SLC3A1: variants seen among roughly 807,000 people sequenced by gnomAD.
SLC3A1 encodes the protein solute carrier family 3 member 1, also known as amino acid transporter heavy chain SLC3A1.
Under a neutral mutation model 60.3 loss-of-function variants are expected in SLC3A1, and 78 were observed. That is an observed-to-expected ratio of 1.29 (90% CI 1.08 to 1.56). The LOEUF is 1.56. Among genes scored for constraint, SLC3A1 ranks in the 40% most tolerant of loss-of-function variants. SLC3A1 has a pLI of 0.00. For missense variants in SLC3A1, 1,172 were observed against 858.9 expected (o/e 1.36, Z -4.56); for synonymous variants, 392 against 307.9 (o/e 1.27, Z -2.86).
Position 44,290,570 on chromosome 2 carries a change from T to A in SLC3A1, c.891+4413T>A, listed in dbSNP as rs933981885. ...CCAATTCATGAACATGAGATGTCTT[T>A]CCATTTATTTACGTGTTCTTTCATT... On this transcript the variant is annotated intron_variant, in intron 4 of 9. Transcript: ENST00000260649. Among the ~76,000 whole-genome samples the A allele has an allele frequency of 3.9e-5, 6 of 152,336 alleles. No homozygotes were observed. The South Asian group carries it at 1.2e-3, about 32-fold the overall frequency.
At chr2:44,314,313 G>C (rs1273154312) in intron 9 of SLC3A1, 4 of 507,494 alleles carry the variant, frequency 7.9e-6, no homozygotes, top group Non-Finnish European at 1.4e-5. Flanking sequence ...TGGATAGGCA[G>C]CCATGCAGGC....
chr2:44,321,790 C>T (rs753294321), downstream of SLC3A1: 133 of 1,613,648 alleles, frequency 8.2e-5, 1 homozygote, highest in East Asian at 1.5e-3. Context: ...GTATCTAGTT[C>T]GGGAATCTGT....
Position 44,304,343 on chromosome 2 carries a change from G to A in SLC3A1, c.1332+5G>A. On this transcript the variant is annotated splice_donor_5th_base_variant and intron_variant, in intron 7 of 9. Coordinates refer to ENST00000260649, the MANE Select transcript of SLC3A1 (RefSeq NM_000341.4). ...GGAAAATGGCCTAACTGGATGGTAA[G>A]TCCTCATGACAGCAGAGTACATAAT... The A allele has an allele frequency of 6.2e-7, 1 of 1,609,518 alleles. No individual in the cohort carries two copies. The highest frequency in any genetic ancestry group is 8.5e-7 in the Non-Finnish European group (1 of 1,175,776).
chr2:44,284,961 C>T (rs568903304), intron 3 of SLC3A1: 1 of 152,098 alleles, frequency 6.6e-6, no homozygotes, highest in Non-Finnish European at 1.5e-5. Context: ...TTATCTAATT[C>T]CTAATGATGT....
chr2:44,301,781 C>A (rs987730999), intron 6 of SLC3A1, among the ~76,000 whole-genome samples: 21 of 150,872 alleles, frequency 1.4e-4, no homozygotes, highest in African/African-American at 5.1e-4. Flanking sequence ...AAACCAGCTC[C>A]ACCTGGGTGC....
intron 4 of SLC3A1, among the ~76,000 whole-genome samples, chr2:44,287,031 T>G (rs1671633046): frequency 6.6e-6 from 1 of 152,154 alleles, no homozygotes; most frequent in Admixed American, 6.6e-5. Flanking sequence ...AGATAACACA[T>G]GCACGACACT....
Position 44,275,676 on chromosome 2 carries a change from C to G in SLC3A1, c.141C>G (p.Ser47Arg), listed in dbSNP as rs760804638. The change falls in exon 1 of 10, where the codon AGC (serine) becomes AGG (arginine). Residue 47 changes from serine (S) to arginine (R), a missense_variant. By Grantham distance (110) the Ser-to-Arg change is moderately radical. Transcript: ENST00000260649. ...GCTCAACAGACAACCTGAAGCACAG[C>G]ACCAGGGGCATCCTTGGCTCCCAGG... ...PGSSTDNLKHSTRGILGSQEP... is the reference protein window; with the variant it reads ...PGSSTDNLKHRTRGILGSQEP... 1 of 1,614,206 alleles carries G rather than the reference C, an allele frequency of 6.2e-7. No individual in the cohort carries two copies. Among genetic ancestry groups the G allele is most frequent in the Non-Finnish European group, 8.5e-7 (1 of 1,180,020 alleles).
chr2:44,320,164 C>G (rs1273360780), intron 9 of SLC3A1, 35 bp from the exon 10 acceptor site: 2 of 1,519,460 alleles, frequency 1.3e-6, no homozygotes, highest in Non-Finnish European at 1.8e-6. Flanking sequence ...TTCTTAGAAT[C>G]AAACACTTAC....
Position 44,286,137 on chromosome 2 carries a change from G to A in SLC3A1, c.871G>A (p.Asp291Asn). 1 of 1,613,968 alleles carries A rather than the reference G, an allele frequency of 6.2e-7. No individual in the cohort carries two copies. ...EQPDLNFRNP[D>N]VQEEIKEILR... The stretch of plus-strand genomic sequence containing the variant: ...ACCTGATTTAAATTTCCGCAATCCT[G>A]ATGTTCAAGAAGAAATAAAAGTGAG... Residue 291 changes from aspartate (D) to asparagine (N), a missense_variant, in exon 4 of 10, where the codon GAT (aspartate) becomes AAT (asparagine). By Grantham distance (23) the Asp-to-Asn change is conservative (BLOSUM62 1). Transcript: ENST00000260649.
At chr2:44,306,717 C>A (rs1170245654) in intron 7 of SLC3A1, among the ~76,000 whole-genome samples, 1 of 151,714 alleles carries the variant, frequency 6.6e-6, no homozygotes, top group Non-Finnish European at 1.5e-5. Context: ...CCACACCCAG[C>A]TAATTTTTTG....
intron 7 of SLC3A1, among the ~76,000 whole-genome samples, chr2:44,307,893 C>T (rs1284209514): frequency 6.6e-6 from 1 of 152,058 alleles, no homozygotes; most frequent in African/African-American, 2.4e-5. Context: ...TATTAGAAAC[C>T]ATTGCCTGGT....
Position 44,301,039 on chromosome 2 carries a change from T to C in SLC3A1, c.1048T>C (p.Phe350Leu), listed in dbSNP as rs1302463988. 1 of 1,614,068 alleles carries C rather than the reference T, an allele frequency of 6.2e-7. No individual in the cohort carries two copies. Among genetic ancestry groups the C allele is most frequent in the Non-Finnish European group, 8.5e-7 (1 of 1,180,022 alleles). ...ACAATACTCGGAGCTGTACCATGAC[T>C]TCACCACCACGCAGGTGGGAATGCA... ...VTQYSELYHD[F>L]TTTQVGMHDI... The change falls in exon 6 of 10, where the codon TTC becomes CTC. Residue 350 changes from phenylalanine (F) to leucine (L), a missense_variant. By Grantham distance (22) the Phe-to-Leu change is conservative. Coordinates refer to ENST00000260649, the MANE Select transcript of SLC3A1 (RefSeq NM_000341.4).
In SLC3A1 at chr2:44,304,130, T is replaced by C; in HGVS notation, c.1137-13T>C. ...CAGGCCCCGATGACACTGAACCTTG[T>C]CAACTCTTATAGGTTCATGGGGACT... On this transcript the variant is annotated splice_polypyrimidine_tract_variant and intron_variant, in intron 6 of 9. Coordinates refer to ENST00000260649, the MANE Select transcript of SLC3A1 (RefSeq NM_000341.4). 1 of 1,611,414 alleles carries C rather than the reference T, an allele frequency of 6.2e-7. No individual in the cohort carries two copies. The highest frequency in any genetic ancestry group is 8.5e-7 in the Non-Finnish European group (1 of 1,177,510).
At chr2:44,282,753 G>A (rs770623335) in intron 3 of SLC3A1, among the ~76,000 whole-genome samples, 6 of 151,974 alleles carry the variant, frequency 3.9e-5, no homozygotes, top group Non-Finnish European at 8.8e-5. Flanking sequence ...TGCCTCCTGG[G>A]CTCAAGCAAT....
rs1558468892 is a variant in SLC3A1, at chr2:44,312,581, T to G, written c.1333-5T>G. ...GCTGTGTTCTTAAAAATATCTGCCT[T>G]TCAGATTGGTGGACCAGACAGTTCA... On this transcript the variant is annotated splice_polypyrimidine_tract_variant and splice_region_variant and intron_variant, in intron 7 of 9. Coordinates refer to ENST00000260649, the MANE Select transcript of SLC3A1 (RefSeq NM_000341.4). The G allele has an allele frequency of 6.2e-7, 1 of 1,613,764 alleles. No individual in the cohort carries two copies. The highest frequency in any genetic ancestry group is 8.5e-7 in the Non-Finnish European group (1 of 1,179,716).
rs761541250 is a variant in SLC3A1, at chr2:44,320,661, G to A, written c.*22G>A. 3 of 1,579,984 alleles carry A rather than the reference G, an allele frequency of 1.9e-6. No individual in the cohort carries two copies. The highest frequency in any genetic ancestry group is 2.2e-5 in the East Asian group (1 of 44,748). On this transcript the variant is annotated 3_prime_UTR_variant, in exon 10 of 10. Coordinates refer to ENST00000260649, the MANE Select transcript of SLC3A1 (RefSeq NM_000341.4). ...TTAGGCACCTTTATGAAGAGATGAA[G>A]ACACTGGCATTTCAGTGGGATTGTA...
chr2:44,311,732 AAAAAC>A (rs1219596430), intron 7 of SLC3A1, among the ~76,000 whole-genome samples: 1 of 151,750 alleles, frequency 6.6e-6, no homozygotes, highest in African/African-American at 2.4e-5. Context: ...TTAAAAAAAA[AAAAAC>A]CCAACCTCCT....
In SLC3A1 at chr2:44,281,404, G is replaced by A. The variant is rs775231844; in HGVS notation, c.628G>A (p.Asp210Asn). Residue 210 changes from aspartate (D) to asparagine (N), a missense_variant, in exon 3 of 10, where the codon GAT becomes AAT. Asp to Asn is a conservative substitution (Grantham distance 23, BLOSUM62 1). Coordinates refer to ENST00000260649, the MANE Select transcript of SLC3A1 (RefSeq NM_000341.4). ...CTCATTAGGTTTAAAATTAATCATC[G>A]ATTTCATACCAAACCACACGAGTGA... The part of the protein sequence containing the change: ...IHDKGLKLII[D>N]FIPNHTSDKH... 8.1e-6 allele frequency: 13 copies of A among 1,612,758 alleles called. No individual in the cohort carries two copies. Among genetic ancestry groups the A allele is most frequent in the Admixed American group, 6.7e-5 (4 of 59,974 alleles).
chr2:44,309,403 C>T (rs1387224072), intron 7 of SLC3A1, among the ~76,000 whole-genome samples: 1 of 152,152 alleles, frequency 6.6e-6, no homozygotes, highest in Non-Finnish European at 1.5e-5. Context: ...CTTACTCCTT[C>T]TTATGACTGA....
Sources: allele counts gnomAD v4.1 joint callset (sites outside exome capture counted in the v4.1 genomes callset), GRCh38; gene constraint gnomAD v4.1.1; transcripts MANE v1.5; gene names NCBI Gene and HGNC (gene_info 2026-07-23, HGNC 2026-07-21).